Variants in PDE4DIP observed in about 807,000 individuals in gnomAD.
PDE4DIP encodes the protein phosphodiesterase 4D interacting protein, also known as myomegalin.
In PDE4DIP, 59 loss-of-function variants were observed where a neutral mutation model predicts 221.4. The ratio of observed to expected loss-of-function variants is 0.27; its 90% CI spans 0.22 to 0.33. The LOEUF is 0.33. Ranked by LOEUF, PDE4DIP falls within the 10% of genes least tolerant of loss-of-function variation. The pLI is 1.00. For missense variants in PDE4DIP, 1,036 were observed against 2,154.2 expected (o/e 0.48, Z 10.28); for synonymous variants, 404 against 815.9 (o/e 0.50, Z 8.60).
intron 12 of PDE4DIP, 66 bp downstream of exon 15, chr1:148,967,042 AC>A: frequency 3.0e-6 from 2 of 660,968 alleles, no homozygotes; most frequent in Admixed American, 2.5e-5. Context: ...CTGAAGCATG[AC>A]CCCCTTCCAT....
exon 18 of PDE4DIP, chr1:148,977,978 A>G (rs782559442): frequency 6.2e-7 from 1 of 1,614,168 alleles, no homozygotes; most frequent in Non-Finnish European, 8.5e-7. Context: ...CTGTGCAGGA[A>G]GAAGAGCTGC....
chr1:149,000,416 G>A (rs587615407), intron 23 of PDE4DIP, among the ~76,000 whole-genome samples: 5 of 152,070 alleles, frequency 3.3e-5, no homozygotes, highest in South Asian at 2.1e-4. Context: ...TTAGCTGGGC[G>A]TGGTGGCACG....
In PDE4DIP at chr1:148,968,848, A is replaced by G. The variant is rs782227020; in HGVS notation, c.1798A>G (p.Thr600Ala). The G allele has an allele frequency of 2.7e-5, 43 of 1,612,448 alleles. 1 individual carries two copies. In the South Asian group the frequency reaches 4.7e-4, roughly 18 times the overall value. Residue 600 changes from threonine to alanine, a missense_variant, in exon 14 of 44, where the codon ACA (threonine) becomes GCA (alanine). Transcript: ENST00000369354. ...CTTTCTGCATTAGGATCTTAGTGCA[A>G]CACTGCTCTGCAAACTTGGACCAGG...
At chr1:148,981,306 A>G in exon 21 of PDE4DIP, 1 of 1,613,914 alleles carries the variant, frequency 6.2e-7, no homozygotes, top group Non-Finnish European at 8.5e-7. Flanking sequence ...TGGAACTGGA[A>G]GGGGCTCAGG....
intron 27 of PDE4DIP, 148 bp from the exon 31 acceptor site, chr1:149,007,053 A>G (rs2067248914): frequency 4.9e-6 from 3 of 608,368 alleles, no homozygotes; most frequent in Non-Finnish European, 8.9e-6. Context: ...TTACTCTTAA[A>G]TACCTCCTAT....
chr1:148,983,633 C>T (rs2061456176), intron 21 of PDE4DIP: 1 of 152,404 alleles, frequency 6.6e-6, no homozygotes, highest in Non-Finnish European at 1.5e-5. Context: ...TGTGGTTGGA[C>T]ACATCATTTA....
At chr1:148,955,054 TATGAGAAGCAGCATAG>T (rs1325086134) in intron 5 of PDE4DIP, among the ~76,000 whole-genome samples, 1 of 151,580 alleles carries the variant, frequency 6.6e-6, no homozygotes, top group Non-Finnish European at 1.5e-5. Flanking sequence ...TACACAAAAT[TATGAGAAGCAGCATAG>T]ATGAGAAACA....
Position 149,029,533 on chromosome 1 carries a change from C to T in PDE4DIP, c.6814-254C>T, listed in dbSNP as rs587643875. On this transcript the variant is annotated intron_variant, in intron 41 of 43. Transcript: ENST00000369354. ...TTGGGAGTTTGATACCAGCCTGAGG[C>T]GAGGTTCTCTTAAGCTACAGGTGTG... Among the ~76,000 whole-genome samples, 192 of 152,192 alleles carry T rather than the reference C, an allele frequency of 1.3e-3. 1 individual carries two copies. The highest frequency in any genetic ancestry group is 4.4e-3 in the African/African-American group (183 of 41,522).
intron 21 of PDE4DIP, chr1:148,986,097 A>G (rs1455001625): frequency 6.6e-6 from 1 of 152,186 alleles, no homozygotes; most frequent in Non-Finnish European, 1.5e-5. Flanking sequence ...GAAGAATTAA[A>G]GTGATTCATA....
intron 21 of PDE4DIP, among the ~76,000 whole-genome samples, chr1:148,990,573 T>TA (rs1553556256): frequency 6.6e-6 from 1 of 151,438 alleles, no homozygotes; most frequent in African/African-American, 2.4e-5. Context: ...AGTCTTGACT[T>TA]ACTGGCGCAG....
At chr1:148,982,831 C>T (rs1190936541) in intron 21 of PDE4DIP, 4 of 151,868 alleles carry the variant, frequency 2.6e-5, no homozygotes, top group Admixed American at 6.6e-5. Flanking sequence ...ATTTCTTTCA[C>T]ATGTTGACAT....
chr1:148,936,596 C>T (rs879969663), intron 4 of PDE4DIP, among the ~76,000 whole-genome samples: 14 of 151,946 alleles, frequency 9.2e-5, no homozygotes, highest in East Asian at 3.8e-4. Context: ...GGTGATTTAG[C>T]GAGTGAGTAG....
At chr1:149,032,411 G>A (rs1199524482) in exon 44 of PDE4DIP, 6 of 453,810 alleles carry the variant, frequency 1.3e-5, no homozygotes, top group Non-Finnish European at 2.4e-5. Context: ...CCCAATGCTG[G>A]AGCTCCTCTG....
exon 23 of PDE4DIP, chr1:148,998,291 A>G: frequency 3.1e-6 from 5 of 1,613,512 alleles, no homozygotes; most frequent in Non-Finnish European, 4.2e-6. Flanking sequence ...CAGCACTTAG[A>G]AGAGAAGAGG....
chr1:149,029,337 C>T (rs1292207031), intron 41 of PDE4DIP, among the ~76,000 whole-genome samples: 2 of 152,160 alleles, frequency 1.3e-5, no homozygotes, highest in African/African-American at 2.4e-5. Flanking sequence ...ATGCTAATTC[C>T]AGGGAGAGGG....
At chr1:148,962,705 G>T (rs587776102) in intron 9 of PDE4DIP, 65 bp downstream of exon 12, 4 of 486,702 alleles carry the variant, frequency 8.2e-6, no homozygotes, top group Non-Finnish European at 1.5e-5. Context: ...TTTTTAGCAG[G>T]ACAGTTTGTG....
intron 1 of PDE4DIP, among the ~76,000 whole-genome samples, chr1:148,901,614 G>A (rs7518127): frequency 7.1e-6 from 1 of 141,090 alleles, no homozygotes; most frequent in Non-Finnish European, 1.6e-5. Context: ...TGCACACAGG[G>A]CTTTAGAAAG....
intron 34 of PDE4DIP, among the ~76,000 whole-genome samples, chr1:149,018,149 T>C (rs1222374982): frequency 2.0e-5 from 3 of 151,924 alleles, no homozygotes; most frequent in African/African-American, 7.3e-5. Context: ...TGTTGTGTGA[T>C]TGATAAGTGG....
intron 21 of PDE4DIP, among the ~76,000 whole-genome samples, chr1:148,986,996 G>C (rs1553550560): frequency 1.3e-5 from 2 of 152,126 alleles, no homozygotes; most frequent in Non-Finnish European, 2.9e-5. Context: ...GAAGACTGTA[G>C]TTGTATTGAA....
Sources: gnomAD v4.1 joint callset for allele counts (sites outside exome capture counted in the v4.1 genomes callset) on GRCh38, gnomAD v4.1.1 for gene constraint, MANE v1.5 for transcripts, NCBI Gene and HGNC (gene_info 2026-07-23, HGNC 2026-07-21) for gene names.